The following FARP2 variants were observed in gnomAD, a reference collection of about 807,000 sequenced individuals.
The protein encoded by FARP2 is FERM, ARH/RhoGEF and pleckstrin domain protein 2.
FARP2 carries 111 observed loss-of-function variants against 130.5 expected under a neutral mutation model. The ratio of observed to expected loss-of-function variants is 0.85; its 90% confidence interval spans 0.73 to 1.00. FARP2 has a LOEUF of 1.00. FARP2 is among the 50% of genes least tolerant of loss of function. The probability of loss-of-function intolerance (pLI) is 0.00; values close to 1 mark genes in which losing one functional copy is unlikely to be tolerated. For missense variants in FARP2, 1,385 were observed against 1,346.3 expected (o/e 1.03, Z -0.45); for synonymous variants, 504 against 516.9 (o/e 0.98, Z 0.34).
chr2:241,393,678 A>G (rs2061962599), intron 2 of FARP2, among the ~76,000 whole-genome samples: 2 of 152,216 alleles, frequency 1.3e-5, no homozygotes, highest in Non-Finnish European at 2.9e-5. Context: ...AAGTTAAAGG[A>G]CAAAAGCTGT....
intron 4 of FARP2, among the ~76,000 whole-genome samples, chr2:241,406,216 G>A (rs2062340505): frequency 6.6e-6 from 1 of 151,458 alleles, no homozygotes; most frequent in African/African-American, 2.4e-5. Context: ...GCTGGGGCAG[G>A]AGAATGGCAT....
intron 9 of FARP2, among the ~76,000 whole-genome samples, chr2:241,432,763 C>G (rs1351329468): frequency 6.6e-6 from 1 of 152,158 alleles, no homozygotes; most frequent in Admixed American, 6.5e-5. Context: ...GTTCCAGTTG[C>G]TGCATTTCCG....
chr2:241,373,551 G>C (rs570040764), intron 2 of FARP2, among the ~76,000 whole-genome samples: 8 of 152,330 alleles, frequency 5.3e-5, no homozygotes, highest in African/African-American at 1.9e-4. Context: ...CTAAGAGACT[G>C]CTGGAAGGTG....
chr2:241,470,588 C>G (rs565362969), intron 18 of FARP2, among the ~76,000 whole-genome samples: 33 of 150,680 alleles, frequency 2.2e-4, no homozygotes, highest in Middle Eastern at 3.5e-3. Flanking sequence ...GGAAACACTA[C>G]TCTAAGAGAA....
In FARP2 at chr2:241,408,243, G is replaced by A. The variant is rs189309730; in HGVS notation, c.410+628G>A. On this transcript the variant is annotated intron_variant, in intron 5 of 26. Coordinates refer to ENST00000264042, the MANE Select transcript of FARP2 (RefSeq NM_014808.4). The stretch of plus-strand genomic sequence containing the variant: ...AAAAATAAGCCGGGCATGGTGGCGG[G>A]CACCTGTAGTCCCAGCTACTCAGGA... Among the ~76,000 whole-genome samples, 579 of 152,220 alleles carry A rather than the reference G, an allele frequency of 3.8e-3. 11 individuals carry two copies. Among genetic ancestry groups the A allele is most frequent in the East Asian group, 9.1e-3 (47 of 5,176 alleles).
At chr2:241,465,488 C>G (rs1196492487) in intron 17 of FARP2, 3 of 1,550,566 alleles carry the variant, frequency 1.9e-6, no homozygotes, top group Non-Finnish European at 2.6e-6. Flanking sequence ...GGGCATGTAG[C>G]AGGGGTCACA....
rs778378417 is a variant in FARP2, at chr2:241,431,754, A to G, written c.847A>G (p.Lys283Glu). 3.9e-6 allele frequency: 6 copies of G among 1,540,720 alleles called. No homozygotes were observed. Residue 283 changes from lysine (K) to glutamate (E), a missense_variant, in exon 9 of 27, where the codon AAA becomes GAA. Lys to Glu is a moderately conservative substitution (Grantham distance 56, BLOSUM62 1). Coordinates refer to ENST00000264042, the MANE Select transcript of FARP2 (RefSeq NM_014808.4). Reference protein sequence around the residue: ...LSFKRKRFLIKLHPEVHGPYQ... With the variant: ...LSFKRKRFLIELHPEVHGPYQ... ...CTTCAAGAGGAAAAGATTTCTTATC[A>G]AACTTCATCCAGAGGTTCATGTAAG...
intron 17 of FARP2, chr2:241,465,826 T>C: frequency 6.5e-7 from 1 of 1,542,678 alleles, no homozygotes; most frequent in Non-Finnish European, 8.7e-7. Flanking sequence ...CTCTGGCCAC[T>C]CCTCACACCT....
At chr2:241,373,360 A>G (rs567654061) in intron 2 of FARP2, 70 bp downstream of exon 2, 7 of 1,132,270 alleles carry the variant, frequency 6.2e-6, no homozygotes, top group African/African-American at 1.6e-5. Context: ...ACCAAATTCC[A>G]TTTTGCTGGT....
At chr2:241,470,234 T>C (rs1320012913) in intron 18 of FARP2, among the ~76,000 whole-genome samples, 1 of 152,260 alleles carries the variant, frequency 6.6e-6, no homozygotes, top group Non-Finnish European at 1.5e-5. Flanking sequence ...CTTGCAATTT[T>C]ATTTATCCTT....
intron 17 of FARP2, 102 bp downstream of exon 17, chr2:241,464,082 G>T (rs2064101633): frequency 1.2e-5 from 11 of 930,414 alleles, no homozygotes; most frequent in Non-Finnish European, 1.9e-5. Flanking sequence ...CTCAGAAAAG[G>T]GTCCCCTCAG....
At chr2:241,450,051 G>A (rs993921217) in intron 13 of FARP2, among the ~76,000 whole-genome samples, 1 of 151,308 alleles carries the variant, frequency 6.6e-6, no homozygotes, top group Non-Finnish European at 1.5e-5. Context: ...GCCCACTGCC[G>A]ACAGTCTGAA....
chr2:241,468,951 C>T (rs1253883771), intron 18 of FARP2, among the ~76,000 whole-genome samples: 1 of 152,166 alleles, frequency 6.6e-6, no homozygotes, highest in Non-Finnish European at 1.5e-5. Context: ...TAAATTTAGT[C>T]CCCTTTTCTG....
At chr2:241,371,135 A>G (rs2061415574) in intron 1 of FARP2, among the ~76,000 whole-genome samples, 1 of 152,226 alleles carries the variant, frequency 6.6e-6, no homozygotes, top group African/African-American at 2.4e-5. Flanking sequence ...GTTTAAGTGT[A>G]CAGTAGGAAA....
intron 11 of FARP2, among the ~76,000 whole-genome samples, 165 bp from the exon 12 acceptor site, chr2:241,436,316 T>C (rs1236375041): frequency 2.0e-5 from 3 of 152,204 alleles, no homozygotes; most frequent in Non-Finnish European, 4.4e-5. Context: ...TGTTTTTTAT[T>C]TGAATTCTTG....
intron 8 of FARP2, among the ~76,000 whole-genome samples, chr2:241,425,353 C>T (rs1280930860): frequency 2.0e-5 from 3 of 151,980 alleles, no homozygotes; most frequent in Admixed American, 1.3e-4. Flanking sequence ...AACTGAAAAG[C>T]TTATGCACAG....
At chr2:241,491,213 C>T (rs2124913726) in intron 23 of FARP2, 34 bp downstream of exon 23, 1 of 1,473,730 alleles carries the variant, frequency 6.8e-7, no homozygotes, top group South Asian at 1.1e-5. Flanking sequence ...AGGAGACCTC[C>T]ACTACACCTA....
chr2:241,491,563 C>T lies in FARP2; in HGVS notation c.2671C>T (p.Arg891Trp), dbSNP rs761875064. The change falls in exon 24 of 27, where the codon CGG becomes TGG. Residue 891 changes from arginine (R) to tryptophan (W), a missense_variant. Coordinates refer to ENST00000264042, the MANE Select transcript of FARP2 (RefSeq NM_014808.4). The stretch of plus-strand genomic sequence containing the variant: ...GGAGCAGGAGTCAGAAGATGATGCT[C>T]GGGGTGTCCGCAGCTCCCTGGAGGG... Reference protein sequence around the residue: ...SLEQESEDDARGVRSSLEGHG... With the variant: ...SLEQESEDDAWGVRSSLEGHG... The T allele has an allele frequency of 1.6e-5, 26 of 1,613,750 alleles. No homozygotes were observed. Among genetic ancestry groups the T allele is most frequent in the Non-Finnish European group, 2.0e-5 (24 of 1,179,940 alleles).
intron 15 of FARP2, 57 bp downstream of exon 15, chr2:241,462,669 A>G: frequency 1.8e-6 from 2 of 1,124,996 alleles, no homozygotes; most frequent in Admixed American, 1.9e-5. Context: ...TCATCTGAAC[A>G]CAGAGAAATA....
Sources: gnomAD v4.1 joint callset for allele counts (sites outside exome capture counted in the v4.1 genomes callset) on GRCh38, gnomAD v4.1.1 for gene constraint, MANE v1.5 for transcripts, NCBI Gene and HGNC (gene_info 2026-07-23, HGNC 2026-07-21) for gene names.